Variants in LGR6 observed in about 807,000 individuals in gnomAD.
The protein encoded by LGR6 is leucine-rich repeat-containing G protein-coupled receptor 6.
In LGR6, 45 loss-of-function variants were observed where a neutral mutation model predicts 69.4. The observed-to-expected ratio is 0.65, with a 90% confidence interval of 0.51 to 0.83. The LOEUF is 0.83. LGR6 is among the 40% of genes least tolerant of loss of function. The probability of loss-of-function intolerance (pLI) is 0.00; values close to 1 mark genes in which losing one functional copy is unlikely to be tolerated. For missense variants in LGR6, 1,108 were observed against 1,246.7 expected (o/e 0.89, Z 1.68); for synonymous variants, 538 against 555.0 (o/e 0.97, Z 0.43).
chr1:202,318,625 C>A lies in LGR6; in HGVS notation c.2322C>A (p.His774Gln). Reference protein sequence around the residue: ...EAVWDCAMVRHVAWLIFADGL... With the variant: ...EAVWDCAMVRQVAWLIFADGL... ...TGTGGGACTGCGCCATGGTGAGGCACGTGGCCTGGCTCATCTTCGCAGACG... is the reference window on the plus strand; with the variant it reads ...TGTGGGACTGCGCCATGGTGAGGCAAGTGGCCTGGCTCATCTTCGCAGACG... The change falls in exon 18 of 18, where the codon CAC becomes CAA. Residue 774 changes from histidine (H) to glutamine (Q), a missense_variant. Transcript: ENST00000367278. The A allele has an allele frequency of 1.2e-6, 2 of 1,613,924 alleles. No homozygotes were observed. The highest frequency in any genetic ancestry group is 2.2e-5 in the South Asian group (2 of 91,080).
At chr1:202,229,811 T>A (rs1660865190) in intron 3 of LGR6, among the ~76,000 whole-genome samples, 1 of 152,314 alleles carries the variant, frequency 6.6e-6, no homozygotes, top group Non-Finnish European at 1.5e-5. Flanking sequence ...AAAGCCTTTG[T>A]GTCAGTCCTT....
At chr1:202,200,912 G>A (rs1162779541) in intron 1 of LGR6, among the ~76,000 whole-genome samples, 2 of 152,192 alleles carry the variant, frequency 1.3e-5, no homozygotes, top group Admixed American at 6.5e-5. Flanking sequence ...GCAGGCCGGC[G>A]GCTGGCGGGT....
At chr1:202,286,356 AAAT>A (rs1374600865) in intron 6 of LGR6, among the ~76,000 whole-genome samples, 2 of 152,212 alleles carry the variant, frequency 1.3e-5, no homozygotes, top group Non-Finnish European at 2.9e-5. Context: ...GTCACTGGGC[AAAT>A]AATTCCCTGC....
intron 1 of LGR6, among the ~76,000 whole-genome samples, chr1:202,218,517 G>C (rs1659934296): frequency 6.6e-6 from 1 of 152,092 alleles, no homozygotes. Context: ...AGGCTCATGG[G>C]GTGTTTTTGA....
chr1:202,254,032 C>T (rs1206016908), intron 4 of LGR6, among the ~76,000 whole-genome samples: 2 of 151,734 alleles, frequency 1.3e-5, no homozygotes, highest in African/African-American at 2.4e-5. Flanking sequence ...GTCTCGATCT[C>T]CTGACCTCGT....
intron 4 of LGR6, among the ~76,000 whole-genome samples, chr1:202,266,474 C>T (rs1299023054): frequency 6.6e-6 from 1 of 151,840 alleles, no homozygotes; most frequent in Admixed American, 6.6e-5. Flanking sequence ...TCCCCACCCC[C>T]ACCCCACCAG....
intron 1 of LGR6, among the ~76,000 whole-genome samples, chr1:202,215,020 T>TGTGTGTGC (rs144255206): frequency 0.017 from 2,271 of 135,854 alleles, 23 homozygotes; most frequent in Middle Eastern, 0.044. Flanking sequence ...TGTGTGTGTG[T>TGTGTGTGC]GCGCGCGCGC....
intron 4 of LGR6, among the ~76,000 whole-genome samples, chr1:202,267,737 A>T (rs1222837189): frequency 1.3e-5 from 2 of 152,202 alleles, no homozygotes; most frequent in Non-Finnish European, 2.9e-5. Context: ...ATATTGTTTT[A>T]TCAAACAGCA....
At chr1:202,297,458 C>T (rs754168615) in intron 6 of LGR6, 50 bp from the exon 7 acceptor site, 1 of 1,471,448 alleles carries the variant, frequency 6.8e-7, no homozygotes, top group Non-Finnish European at 9.4e-7. Flanking sequence ...GGGACCCTGA[C>T]ATGCCCCATT....
intron 1 of LGR6, among the ~76,000 whole-genome samples, chr1:202,216,964 T>C (rs1310439259): frequency 3.3e-5 from 5 of 152,218 alleles, no homozygotes; most frequent in African/African-American, 1.2e-4. Context: ...GAGTGACCTT[T>C]TGCACCTGAC....
intron 4 of LGR6, among the ~76,000 whole-genome samples, chr1:202,273,970 C>G (rs1013051919): frequency 6.6e-6 from 1 of 152,196 alleles, no homozygotes; most frequent in African/African-American, 2.4e-5. Flanking sequence ...TCTGTGGTCT[C>G]TGGAAAATCT....
chr1:202,316,878 C>T (rs578107380), intron 17 of LGR6, among the ~76,000 whole-genome samples: 1 of 152,054 alleles, frequency 6.6e-6, no homozygotes, highest in Admixed American at 6.6e-5. Context: ...TAGGAACAGA[C>T]TTTGGAGAGA....
intron 2 of LGR6, among the ~76,000 whole-genome samples, chr1:202,227,564 A>C (rs1469477411): frequency 6.6e-6 from 1 of 152,146 alleles, no homozygotes; most frequent in Non-Finnish European, 1.5e-5. Context: ...AGTTGAGAGC[A>C]GGCGGTGGGT....
intron 1 of LGR6, among the ~76,000 whole-genome samples, chr1:202,211,272 G>T (rs1203957025): frequency 6.6e-6 from 1 of 152,214 alleles, no homozygotes; most frequent in East Asian, 1.9e-4. Flanking sequence ...TTCATTTAAT[G>T]ACATAAAAAC....
At position 202,309,093 on chromosome 1, in the gene LGR6, A is replaced by G. The variant is rs758256844; in HGVS notation, c.1323A>G (p.Gly441=). Residue 441 remains glycine, a synonymous_variant, in exon 15 of 18, where the codon GGA becomes GGG. Transcript: ENST00000367278. ...DNQLTTLPLA[G]LGGLMHLKLK... ...AGCTGACCACACTGCCCCTGGCTGG[A>G]CTTGGGGGCTTGATGCATCTGAAGC... 1 of 1,614,014 alleles carries G rather than the reference A, an allele frequency of 6.2e-7. No homozygotes were observed.
chr1:202,206,561 T>A (rs1659239031), intron 1 of LGR6, among the ~76,000 whole-genome samples: 1 of 152,122 alleles, frequency 6.6e-6, no homozygotes, highest in African/African-American at 2.4e-5. Context: ...TTTTATTTTA[T>A]TTTTTCGAGA....
intron 6 of LGR6, among the ~76,000 whole-genome samples, chr1:202,286,414 T>G (rs1666396726): frequency 6.6e-6 from 1 of 152,154 alleles, no homozygotes; most frequent in African/African-American, 2.4e-5. Context: ...GGCTGTCTTG[T>G]CTCATATCTT....
intron 6 of LGR6, 75 bp from the exon 7 acceptor site, chr1:202,297,433 A>C (rs979347546): frequency 4.8e-6 from 6 of 1,248,066 alleles, no homozygotes; most frequent in Non-Finnish European, 6.8e-6. Context: ...CCCAGAGCCA[A>C]GTTTCCATTT....
chr1:202,273,589 CT>C (rs1489449450), intron 4 of LGR6, among the ~76,000 whole-genome samples: 1 of 151,908 alleles, frequency 6.6e-6, no homozygotes, highest in Non-Finnish European at 1.5e-5. Flanking sequence ...TCCCGAGTAG[CT>C]GGGATTACAG....
Sources: gnomAD v4.1 joint callset for allele counts (sites outside exome capture counted in the v4.1 genomes callset) on GRCh38, gnomAD v4.1.1 for gene constraint, MANE v1.5 for transcripts, NCBI Gene and HGNC (gene_info 2026-07-23, HGNC 2026-07-21) for gene names.